NDUFA8: variants seen among roughly 807,000 people sequenced by gnomAD.
The protein encoded by NDUFA8 is NADH dehydrogenase [ubiquinone] 1 alpha subcomplex subunit 8.
NDUFA8 carries 16 observed loss-of-function variants against 20.9 expected under a neutral mutation model. The observed-to-expected ratio is 0.77, with a 90% CI of 0.52 to 1.16. The LOEUF (loss-of-function observed/expected upper bound fraction) is 1.16, where lower values mean the gene tolerates loss of function less well. Among genes scored for constraint, NDUFA8 ranks in the 50% most tolerant of loss-of-function variants. The pLI, the probability that NDUFA8 is intolerant of heterozygous loss-of-function variation, is 0.00. For synonymous variants in NDUFA8, 70 were observed against 76.1 expected (o/e 0.92, Z 0.41); for missense variants, 202 against 216.4 (o/e 0.93, Z 0.42).
At chr9:122,158,500 G>T (rs568776290) in intron 1 of NDUFA8, among the ~76,000 whole-genome samples, 1 of 152,090 alleles carries the variant, frequency 6.6e-6, no homozygotes, top group East Asian at 1.9e-4. Flanking sequence ...TCTCATTCTT[G>T]TGAGTTTTCA....
the NDUFA8 span, among the ~76,000 whole-genome samples, chr9:122,136,208 G>A: frequency 2.0e-5 from 3 of 151,974 alleles, no homozygotes; most frequent in Non-Finnish European, 4.4e-5. Context: ...GAACATCCTT[G>A]TACACAGCTT....
chr9:122,140,149 G>A (rs1327340334), downstream of NDUFA8, among the ~76,000 whole-genome samples: 1 of 152,174 alleles, frequency 6.6e-6, no homozygotes, highest in African/African-American at 2.4e-5. Context: ...AGATCTACCA[G>A]TTTTCATACA....
At chr9:122,142,353 T>C (rs1173492508), downstream of NDUFA8, among the ~76,000 whole-genome samples, 3 of 152,144 alleles carry the variant, frequency 2.0e-5, no homozygotes, top group Admixed American at 6.5e-5. Flanking sequence ...AATCAGTATG[T>C]CGTTCTACAC....
chr9:122,158,063 G>C (rs1829103321), intron 1 of NDUFA8, among the ~76,000 whole-genome samples: 1 of 152,190 alleles, frequency 6.6e-6, no homozygotes, highest in South Asian at 2.1e-4. Flanking sequence ...TGAGGCAGCA[G>C]AATCGCTTGA....
chr9:122,145,774 C>T (rs761528692), intron 3 of NDUFA8, among the ~76,000 whole-genome samples: 46 of 152,334 alleles, frequency 3.0e-4, no homozygotes, highest in Non-Finnish European at 5.6e-4. Context: ...GTTATCCCAC[C>T]GCCCTGTCAT....
the NDUFA8 span, chr9:122,132,883 G>T: frequency 8.8e-6 from 4 of 455,606 alleles, no homozygotes; most frequent in East Asian, 2.8e-4. Context: ...AAGTGTCGTT[G>T]TTCTCCCAGC....
chr9:122,147,988 T>A, intron 3 of NDUFA8, 124 bp downstream of exon 3: 1 of 1,173,180 alleles, frequency 8.5e-7, no homozygotes, highest in Non-Finnish European at 1.3e-6. Context: ...CTAATTAATA[T>A]GTTTGGTAAA....
chr9:122,158,434 C>T (rs1299228240), intron 1 of NDUFA8, among the ~76,000 whole-genome samples: 1 of 152,124 alleles, frequency 6.6e-6, no homozygotes, highest in Non-Finnish European at 1.5e-5. Context: ...ACCACCACCA[C>T]TAGGGTCACA....
At chr9:122,139,239 ACT>A (rs1828787149), downstream of NDUFA8, among the ~76,000 whole-genome samples, 1 of 151,844 alleles carries the variant, frequency 6.6e-6, no homozygotes, top group African/African-American at 2.4e-5. Flanking sequence ...AGACTGGGAC[ACT>A]CTTCCATCCA....
intron 1 of NDUFA8, among the ~76,000 whole-genome samples, chr9:122,155,124 G>A (rs188368248): frequency 6.6e-6 from 1 of 152,266 alleles, no homozygotes; most frequent in Non-Finnish European, 1.5e-5. Flanking sequence ...TCTTGTCCAG[G>A]CTGGAGGGCA....
In NDUFA8 at chr9:122,148,274, C is replaced by G; in HGVS notation, c.219G>C (p.Gln73His). The G allele has an allele frequency of 6.2e-7, 1 of 1,614,120 alleles. No individual in the cohort carries two copies. The highest frequency in any genetic ancestry group is 8.5e-7 in the Non-Finnish European group (1 of 1,180,014). ...VNKCALDFFR[Q>H]IKRHCAEPFT... ...AAGGCTCTGCACAGTGACGTTTTAT[C>G]TGCCTGGAAAAGAAAGCTGGGTTAG... The change falls in exon 3 of 4, where the codon CAG becomes CAC. Residue 73 changes from glutamine (Q) to histidine (H), a missense_variant. Gln to His is a conservative substitution (Grantham distance 24). Transcript: ENST00000373768.
At chr9:122,145,895 A>G (rs566981035) in intron 3 of NDUFA8, among the ~76,000 whole-genome samples, 1 of 152,350 alleles carries the variant, frequency 6.6e-6, no homozygotes, top group East Asian at 1.9e-4. Flanking sequence ...CATGCCTGTA[A>G]TCCCCGCACT....
chr9:122,142,485 C>T (rs2118690065), downstream of NDUFA8, among the ~76,000 whole-genome samples: 1 of 152,292 alleles, frequency 6.6e-6, no homozygotes, highest in African/African-American at 2.4e-5. Flanking sequence ...TTAAAGGCCT[C>T]TCAGGTGATT....
chr9:122,151,068 A>G (rs1008180105), intron 2 of NDUFA8, among the ~76,000 whole-genome samples: 1 of 152,184 alleles, frequency 6.6e-6, no homozygotes, highest in African/African-American at 2.4e-5. Flanking sequence ...GAATTTCTCA[A>G]TGTATACATA....
chr9:122,153,827 A>C (rs1282044294), intron 1 of NDUFA8, among the ~76,000 whole-genome samples: 1 of 152,250 alleles, frequency 6.6e-6, no homozygotes, highest in Non-Finnish European at 1.5e-5. Context: ...TATATGTTAA[A>C]TTAGGGAACA....
At chr9:122,156,979 A>T (rs1328796359) in intron 1 of NDUFA8, among the ~76,000 whole-genome samples, 1 of 152,158 alleles carries the variant, frequency 6.6e-6, no homozygotes, top group East Asian at 1.9e-4. Context: ...TTCTTATTTT[A>T]CTCTGCTATT....
At chr9:122,156,368 G>A (rs1201956760) in intron 1 of NDUFA8, among the ~76,000 whole-genome samples, 4 of 152,222 alleles carry the variant, frequency 2.6e-5, no homozygotes, top group Non-Finnish European at 4.4e-5. Flanking sequence ...CTTAAACTAC[G>A]TCTGTACCTC....
chr9:122,159,744 C>T lies in NDUFA8; in HGVS notation c.-67G>A, dbSNP rs567869630. On this transcript the variant is annotated 5_prime_UTR_variant, in exon 1 of 4. Transcript: ENST00000373768. Reference sequence around the variant, plus strand: ...GTCGCCCCCGTCTCCTTGAACTCCCCTTTCGACCGCCGAGTGCCACACGGC... The same window carrying T: ...GTCGCCCCCGTCTCCTTGAACTCCCTTTTCGACCGCCGAGTGCCACACGGC... 1.6e-5 allele frequency: 25 copies of T among 1,609,662 alleles called. No individual in the cohort carries two copies. The African/African-American group carries it at 2.8e-4, about 18-fold the overall frequency.
Position 122,152,318 on chromosome 9 carries a change from A to G in NDUFA8, c.142T>C (p.Trp48Arg). The G allele has an allele frequency of 2.5e-6, 4 of 1,614,172 alleles. No homozygotes were observed. The highest frequency in any genetic ancestry group is 3.4e-6 in the Non-Finnish European group (4 of 1,180,034). The change falls in exon 2 of 4, where the codon TGG becomes CGG. Residue 48 changes from tryptophan (W) to arginine (R), a missense_variant. Coordinates refer to ENST00000373768, the MANE Select transcript of NDUFA8 (RefSeq NM_014222.3). ...KPNKEFMLCRWEEKDPRRCLE... is the reference protein window; with the variant it reads ...KPNKEFMLCRREEKDPRRCLE... ...CACCGCCTCGGATCTTTCTCTTCCC[A>G]GCGGCAGAGCATAAACTCCTTGTTG...
Sources: allele counts gnomAD v4.1 joint callset (sites outside exome capture counted in the v4.1 genomes callset), GRCh38; gene constraint gnomAD v4.1.1; transcripts MANE v1.5; gene names NCBI Gene and HGNC (gene_info 2026-07-23, HGNC 2026-07-21).